The following TMPRSS6 variants were observed in gnomAD, a reference collection of about 807,000 sequenced individuals.
TMPRSS6 encodes the protein transmembrane protease serine 6.
Under a neutral mutation model 101.5 loss-of-function variants are expected in TMPRSS6, and 67 were observed. The observed-to-expected ratio is 0.66, with a 90% CI of 0.54 to 0.81. The LOEUF (loss-of-function observed/expected upper bound fraction) is 0.81. Among genes scored for constraint, TMPRSS6 ranks in the 30% least tolerant of loss-of-function variants. The probability of loss-of-function intolerance (pLI) is 0.00; values close to 1 mark genes in which losing one functional copy is unlikely to be tolerated. For missense variants in TMPRSS6, 1,034 were observed against 1,088.7 expected, an observed-to-expected ratio of 0.95 and a Z score of 0.71; for synonymous variants, 453 against 464.9, an observed-to-expected ratio of 0.97 and a Z score of 0.33.
At chr22:37,091,446 G>C (rs934156418) in intron 6 of TMPRSS6, among the ~76,000 whole-genome samples, 1 of 152,130 alleles carries the variant, frequency 6.6e-6, no homozygotes, top group African/African-American at 2.4e-5. Flanking sequence ...CAGGGGAGGG[G>C]GTATATGGGG....
rs555680532 is a variant in TMPRSS6 at position 37,098,296 on chromosome 22, G to C, written c.336+120C>G. ...ATCTGCTTCCATGGTGCCTGGAGCA[G>C]GGCTGTGGTCCCTGTGAATGCTCCA... On this transcript the variant is annotated intron_variant, in intron 3 of 17. Transcript: ENST00000676104. The C allele has an allele frequency of 1.7e-4, 255 of 1,460,084 alleles. 2 individuals carry two copies. In the African/African-American group the frequency reaches 3.2e-3, roughly 18 times the overall value. The allele number at this position is 1,460,084 out of a possible 1,614,324, so 90.4% of individuals were successfully genotyped here.
At chr22:37,073,361 TGG>T (rs1356489543) in intron 13 of TMPRSS6, among the ~76,000 whole-genome samples, 169 bp downstream of exon 13, 2 of 147,490 alleles carry the variant, frequency 1.4e-5, no homozygotes, top group Non-Finnish European at 3.0e-5. Context: ...GATGGATGGA[TGG>T]ATGGATGGAT....
rs1460418382 is a variant in TMPRSS6 at position 37,084,554 on chromosome 22, AC to A, written c.1087-151del. ...CAACAAACAGGCATTGCTGTGACCCACAGAGGGAGACCTCGCCCACAGCCCT... is the reference window on the plus strand; with the variant it reads ...CAACAAACAGGCATTGCTGTGACCCAAGAGGGAGACCTCGCCCACAGCCCT... On this transcript the variant is annotated intron_variant, in intron 9 of 17. Coordinates refer to ENST00000676104, the MANE Select transcript of TMPRSS6 (RefSeq NM_001374504.1). 4.9e-6 allele frequency: 4 copies of A among 816,528 alleles called. No individual in the cohort carries two copies. In the African/African-American group the frequency reaches 6.8e-5, roughly 14 times the overall value. The allele number at this position is 816,528 out of a possible 1,614,324, so 50.6% of individuals were successfully genotyped here. A position where few individuals can be genotyped will look rare whatever the true frequency, so the allele number is the denominator to read the frequency against.
At chr22:37,091,870 G>T (rs919211056) in intron 6 of TMPRSS6, among the ~76,000 whole-genome samples, 1 of 152,216 alleles carries the variant, frequency 6.6e-6, no homozygotes, top group Non-Finnish European at 1.5e-5. Context: ...ACTTTGCTCT[G>T]ATGCTGCCAC....
intron 4 of TMPRSS6, 132 bp downstream of exon 4, chr22:37,096,516 C>A: frequency 9.7e-7 from 1 of 1,032,064 alleles, no homozygotes; most frequent in Non-Finnish European, 1.5e-6. Flanking sequence ...TGCAGGAAGC[C>A]AAGTTCCCTC....
In TMPRSS6 at chr22:37,101,196, C is replaced by T. The variant is rs1930284440; in HGVS notation, c.202+2020G>A. On this transcript the variant is annotated intron_variant, in intron 2 of 17. Coordinates refer to ENST00000676104, the MANE Select transcript of TMPRSS6 (RefSeq NM_001374504.1). This position sits in a 1 kb window ranked among gnomAD's most constrained non-coding sequence, Gnocchi z 4.1. Reference sequence around the variant, plus strand: ...TGGGCAGAGGGGGCGGGATCGGGGTCCCAGGAGGAGTGCACGTGATGCAGC... The same window carrying T: ...TGGGCAGAGGGGGCGGGATCGGGGTTCCAGGAGGAGTGCACGTGATGCAGC... Among the ~76,000 whole-genome samples the T allele has an allele frequency of 6.6e-6, 1 of 151,994 alleles. No homozygotes were observed. The highest frequency in any genetic ancestry group is 2.4e-5 in the African/African-American group (1 of 41,350).
At chr22:37,072,620 GATGGATGGATGGAT>G (rs1568999587) in intron 13 of TMPRSS6, among the ~76,000 whole-genome samples, 5 of 127,418 alleles carry the variant, frequency 3.9e-5, no homozygotes, top group African/African-American at 8.2e-5. Context: ...GATGATGGAC[GATGGATGGATGGAT>G]GATGGACGGA....
intron 6 of TMPRSS6, among the ~76,000 whole-genome samples, chr22:37,090,596 G>A (rs755002745): frequency 3.3e-5 from 5 of 152,168 alleles, no homozygotes; most frequent in Admixed American, 6.5e-5. Context: ...TCACTGTCTC[G>A]CTCAATGCCC....
intron 11 of TMPRSS6, 34 bp from the exon 12 acceptor site, chr22:37,074,742 G>A (rs766419811): frequency 6.2e-7 from 1 of 1,609,224 alleles, no homozygotes; most frequent in Admixed American, 1.7e-5. Context: ...GAGGCAGGCA[G>A]GGCGCCATTA....
chr22:37,096,810 C>T, intron 3 of TMPRSS6, 95 bp from the exon 4 acceptor site: 1 of 1,200,768 alleles, frequency 8.3e-7, no homozygotes, highest in Non-Finnish European at 1.2e-6. Context: ...ACTGGCAGCC[C>T]CGCTCCATGC....
intron 16 of TMPRSS6, among the ~76,000 whole-genome samples, chr22:37,067,605 G>T (rs1926427990): frequency 6.6e-6 from 1 of 152,166 alleles, no homozygotes; most frequent in Admixed American, 6.5e-5. Context: ...AGCACCTGCA[G>T]ATGTCTCCGA....
intron 6 of TMPRSS6, among the ~76,000 whole-genome samples, chr22:37,094,161 T>C (rs1200818880): frequency 6.6e-6 from 1 of 152,026 alleles, no homozygotes; most frequent in African/African-American, 2.4e-5. Flanking sequence ...CTCTCAGGAG[T>C]AATATCTCTG....
chr22:37,073,488 C>T (rs1207538945), intron 13 of TMPRSS6, 44 bp downstream of exon 13: 2 of 1,387,618 alleles, frequency 1.4e-6, no homozygotes, highest in African/African-American at 2.9e-5. Context: ...CAGGCCTAGA[C>T]TGCCTTTGGT....
At chr22:37,077,515 C>G (rs1000931150) in intron 10 of TMPRSS6, among the ~76,000 whole-genome samples, 2 of 152,222 alleles carry the variant, frequency 1.3e-5, no homozygotes, top group African/African-American at 4.8e-5. Context: ...TATCATTTGC[C>G]TTTTTTGCCC....
chr22:37,106,922 C>T (rs554870096), intron 1 of TMPRSS6, among the ~76,000 whole-genome samples: 1 of 152,342 alleles, frequency 6.6e-6, no homozygotes, highest in Non-Finnish European at 1.5e-5. Flanking sequence ...TAAGCTGCCC[C>T]CTCCCCTGGG....
Position 37,072,514 on chromosome 22 carries a change from AGATGGATGATGGATGAATG to A in TMPRSS6, c.1555+999_1555+1017del, listed in dbSNP as rs1459750960. Among the ~76,000 whole-genome samples, 792 of 90,938 alleles carry A rather than the reference AGATGGATGATGGATGAATG, an allele frequency of 8.7e-3. 16 individuals carry two copies. Among genetic ancestry groups the A allele is most frequent in the African/African-American group, 0.033 (755 of 22,560 alleles). The allele number at this position is 90,938 out of a possible 152,430, so 59.7% of individuals were successfully genotyped here. On this transcript the variant is annotated intron_variant, in intron 13 of 17. Coordinates refer to ENST00000676104, the MANE Select transcript of TMPRSS6 (RefSeq NM_001374504.1). ...GATGATGGATGGATAGACGATGGAC[AGATGGATGATGGATGAATG>A]GATGGATGATGGATGAATGGATGGA...
Position 37,069,183 on chromosome 22 carries a change from G to C in TMPRSS6, c.2003C>G (p.Pro668Arg), listed in dbSNP as rs1183821641. 1 of 1,594,542 alleles carries C rather than the reference G, an allele frequency of 6.3e-7. No homozygotes were observed. Among genetic ancestry groups the C allele is most frequent in the African/African-American group, 1.3e-5 (1 of 74,404 alleles). Residue 668 changes from proline to arginine, a missense_variant, in exon 16 of 18, where the codon CCG (proline) becomes CGG (arginine). Pro to Arg is a moderately radical substitution (Grantham distance 103). Transcript: ENST00000676104. This position sits in a 1 kb window ranked among gnomAD's most constrained non-coding sequence, Gnocchi z 4.8. ...YDVALLQLDHPVVRSAAVRPV... is the reference protein window; with the variant it reads ...YDVALLQLDHRVVRSAAVRPV... ...GCGCACGGCGGCCGAGCGCACCACC[G>C]GGTGGTCGAGCTGCAGCAGCGCCAC...
chr22:37,107,466 C>A (rs1367720784), intron 1 of TMPRSS6, among the ~76,000 whole-genome samples: 1 of 145,212 alleles, frequency 6.9e-6, no homozygotes, highest in African/African-American at 2.5e-5. Context: ...CTTCCAAATG[C>A]CCCCCAAAGC....
At chr22:37,105,758 C>T (rs1221478480) in intron 1 of TMPRSS6, among the ~76,000 whole-genome samples, 1 of 152,240 alleles carries the variant, frequency 6.6e-6, no homozygotes, top group Non-Finnish European at 1.5e-5. Flanking sequence ...CAGCCTCCAA[C>T]TCCTGGGTTC....
Sources: gnomAD v4.1 joint callset for allele counts (sites outside exome capture counted in the v4.1 genomes callset) on GRCh38, gnomAD v4.1.1 for gene constraint, Gnocchi (gnomAD v3.1) non-coding constraint, MANE v1.5 for transcripts, NCBI Gene and HGNC (gene_info 2026-07-23, HGNC 2026-07-21) for gene names.